Variants in SEL1L3 observed in about 807,000 individuals in gnomAD.
The protein encoded by SEL1L3 is protein sel-1 homolog 3.
SEL1L3 carries 76 observed loss-of-function variants against 142.8 expected under a neutral mutation model. That is an observed-to-expected ratio of 0.53 (90% CI 0.44 to 0.64). The LOEUF (loss-of-function observed/expected upper bound fraction) is 0.64. Ranked by LOEUF, SEL1L3 falls within the 30% of genes least tolerant of loss-of-function variation. The pLI is 0.00. For missense variants in SEL1L3, 1,262 were observed against 1,381.7 expected (o/e 0.91, Z 1.37); for synonymous variants, 504 against 519.6 (o/e 0.97, Z 0.41).
intron 20 of SEL1L3, among the ~76,000 whole-genome samples, chr4:25,763,101 G>A (rs1718491607): frequency 6.6e-6 from 1 of 151,766 alleles, no homozygotes; most frequent in African/African-American, 2.4e-5. Flanking sequence ...AATTGTCAGT[G>A]CATTCTTTGG....
intron 19 of SEL1L3, 106 bp from the exon 20 acceptor site, chr4:25,765,541 T>C: frequency 2.8e-6 from 2 of 708,234 alleles, no homozygotes; most frequent in Admixed American, 4.6e-5. Context: ...TATTAGTATC[T>C]GAATACAGAA....
intron 10 of SEL1L3, 60 bp downstream of exon 10, chr4:25,804,481 G>A: frequency 7.9e-7 from 1 of 1,258,056 alleles, no homozygotes; most frequent in Non-Finnish European, 1.1e-6. Context: ...GGGCACGAGA[G>A]CATTGCTTTG....
intron 11 of SEL1L3, among the ~76,000 whole-genome samples, chr4:25,791,400 T>C (rs1422810271): frequency 6.6e-6 from 1 of 152,240 alleles, no homozygotes; most frequent in Non-Finnish European, 1.5e-5. Context: ...TCTGACTCCT[T>C]TGAAGAAGAT....
chr4:25,825,666 ATTTTTTTTTTTTTT>A (rs33997941), intron 6 of SEL1L3, among the ~76,000 whole-genome samples: 1 of 74,026 alleles, frequency 1.4e-5, no homozygotes, highest in Non-Finnish European at 2.5e-5. Context: ...TCTAAATTCT[ATTTTTTTTTTTTTT>A]TTTTTTTTTT....
upstream of SEL1L3, chr4:25,863,435 C>T (rs1290751548): frequency 1.4e-6 from 1 of 700,750 alleles, no homozygotes. Flanking sequence ...CCCACCCACC[C>T]CTTTTGCGGG....
chr4:25,763,402 C>T (rs922723781), intron 20 of SEL1L3, among the ~76,000 whole-genome samples: 1 of 152,120 alleles, frequency 6.6e-6, no homozygotes, highest in Non-Finnish European at 1.5e-5. Flanking sequence ...GCTCTTATTA[C>T]CCCCATTTAC....
At chr4:25,834,540 G>A (rs554541573) in intron 3 of SEL1L3, among the ~76,000 whole-genome samples, 9 of 152,312 alleles carry the variant, frequency 5.9e-5, no homozygotes, top group Admixed American at 3.9e-4. Context: ...CTCAAAATCA[G>A]TGGTATGATA....
chr4:25,722,624 C>CTTT, the SEL1L3 span, among the ~76,000 whole-genome samples: 1 of 103,652 alleles, frequency 9.6e-6, no homozygotes, highest in African/African-American at 3.6e-5. Flanking sequence ...CCAAAGGAGG[C>CTTT]TTTTTTTTTT....
intron 23 of SEL1L3, among the ~76,000 whole-genome samples, chr4:25,749,766 G>A (rs1212583669): frequency 6.6e-6 from 1 of 152,174 alleles, no homozygotes; most frequent in Non-Finnish European, 1.5e-5. Context: ...TCACGAACTG[G>A]CCCAAACTGC....
At chr4:25,822,511 A>G (rs1051190514) in intron 6 of SEL1L3, among the ~76,000 whole-genome samples, 4 of 152,228 alleles carry the variant, frequency 2.6e-5, no homozygotes, top group African/African-American at 4.8e-5. Flanking sequence ...TTCAGAATCA[A>G]TGGAATTGTC....
chr4:25,799,599 G>A lies in SEL1L3; in HGVS notation c.1956+2684C>T, dbSNP rs193284273. On this transcript the variant is annotated intron_variant, in intron 11 of 23. Coordinates refer to ENST00000399878, the MANE Select transcript of SEL1L3 (RefSeq NM_015187.5). ...AGACGATGAGCAACAAATTCAGGCA[G>A]CAGCAGGGGTGCACGTGGGGAGGAG... Among the ~76,000 whole-genome samples, 11 of 152,296 alleles carry A rather than the reference G, an allele frequency of 7.2e-5. No homozygotes were observed. The East Asian group carries it at 2.1e-3, about 29-fold the overall frequency.
chr4:25,722,068 A>C, the SEL1L3 span, among the ~76,000 whole-genome samples: 2,302 of 152,280 alleles, frequency 0.015, 27 homozygotes, highest in Non-Finnish European at 0.023. Context: ...AGTTTACAGG[A>C]AAAAAGTAAA....
chr4:25,808,898 A>C (rs4692146), intron 9 of SEL1L3, among the ~76,000 whole-genome samples: 677 of 19,712 alleles, frequency 0.034, 7 homozygotes, highest in African/African-American at 0.079. Context: ...TGAAACCCCT[A>C]TCTCTACTAA....
the SEL1L3 span, among the ~76,000 whole-genome samples, chr4:25,728,515 C>A: frequency 6.6e-6 from 1 of 152,134 alleles, no homozygotes; most frequent in Non-Finnish European, 1.5e-5. Flanking sequence ...CAGTTCTTCC[C>A]ACCTGGCATG....
intron 9 of SEL1L3, among the ~76,000 whole-genome samples, chr4:25,816,506 C>T (rs28622990): frequency 6.6e-5 from 10 of 152,284 alleles, no homozygotes; most frequent in African/African-American, 2.4e-4. Flanking sequence ...AGCTCTGTTC[C>T]TGTCACCATG....
At chr4:25,849,654 A>G (rs975659531) in intron 1 of SEL1L3, among the ~76,000 whole-genome samples, 1 of 152,232 alleles carries the variant, frequency 6.6e-6, no homozygotes, top group Non-Finnish European at 1.5e-5. Flanking sequence ...TGAACTGTAC[A>G]CTTAGAAATG....
At chr4:25,842,258 ACT>A (rs1188872141) in intron 2 of SEL1L3, among the ~76,000 whole-genome samples, 1 of 151,212 alleles carries the variant, frequency 6.6e-6, no homozygotes, top group Non-Finnish European at 1.5e-5. Flanking sequence ...AAAAAAAAAA[ACT>A]CAACAAAACT....
chr4:25,789,321 C>T (rs1374254175), intron 12 of SEL1L3, among the ~76,000 whole-genome samples: 1 of 152,040 alleles, frequency 6.6e-6, no homozygotes, highest in African/African-American at 2.4e-5. Flanking sequence ...TGTGGTGGGC[C>T]TTAATTCCTG....
chr4:25,806,807 C>T (rs771414666), intron 9 of SEL1L3, among the ~76,000 whole-genome samples: 1 of 151,786 alleles, frequency 6.6e-6, no homozygotes. Flanking sequence ...GGAGTTTGTT[C>T]CTTTTTCTGT....
Sources: allele counts gnomAD v4.1 joint callset (sites outside exome capture counted in the v4.1 genomes callset), GRCh38; gene constraint gnomAD v4.1.1; transcripts MANE v1.5; gene names NCBI Gene and HGNC (gene_info 2026-07-23, HGNC 2026-07-21).